ARL15: variants seen among roughly 807,000 people sequenced by gnomAD.
The protein encoded by ARL15 is ADP-ribosylation factor-like protein 15.
ARL15 carries 19 observed loss-of-function variants against 25.2 expected under a neutral mutation model. The observed-to-expected ratio is 0.75, with a 90% CI of 0.53 to 1.10. The LOEUF is 1.10. Among genes scored for constraint, ARL15 ranks in the 50% least tolerant of loss-of-function variants. The pLI, the probability that ARL15 is intolerant of heterozygous loss-of-function variation, is 0.00. For synonymous variants in ARL15, 94 were observed against 86.8 expected (o/e 1.08, Z -0.46); for missense variants, 220 against 246.0 (o/e 0.89, Z 0.71).
chr5:54,110,941 G>A (rs1752721930), intron 4 of ARL15, among the ~76,000 whole-genome samples: 1 of 151,944 alleles, frequency 6.6e-6, no homozygotes, highest in African/African-American at 2.4e-5. Context: ...ACAGTACACA[G>A]AGAAACTTCT....
At chr5:54,304,835 C>T (rs981979571) in intron 1 of ARL15, among the ~76,000 whole-genome samples, 8 of 151,772 alleles carry the variant, frequency 5.3e-5, no homozygotes, top group South Asian at 2.1e-4. Context: ...TTAAAAACAA[C>T]GAAACAATGT....
At chr5:54,039,634 C>G (rs563133882) in intron 4 of ARL15, among the ~76,000 whole-genome samples, 31 of 151,576 alleles carry the variant, frequency 2.0e-4, no homozygotes, top group Non-Finnish European at 3.7e-4. Context: ...AACCCCTTCT[C>G]TACTAAAAAA....
At chr5:53,970,787 A>G (rs1747727356) in intron 4 of ARL15, among the ~76,000 whole-genome samples, 1 of 152,242 alleles carries the variant, frequency 6.6e-6, no homozygotes, top group South Asian at 2.1e-4. Context: ...CTAGTTTCAC[A>G]CAGATGCCAG....
At chr5:54,008,475 G>A (rs1749120587) in intron 4 of ARL15, among the ~76,000 whole-genome samples, 1 of 152,178 alleles carries the variant, frequency 6.6e-6, no homozygotes, top group Admixed American at 6.5e-5. Context: ...AGTTCTCTCA[G>A]ACTTTTGACC....
At chr5:54,011,725 T>C (rs1429580327) in intron 4 of ARL15, among the ~76,000 whole-genome samples, 1 of 151,974 alleles carries the variant, frequency 6.6e-6, no homozygotes, top group African/African-American at 2.4e-5. Flanking sequence ...TAAAAGAGCA[T>C]AAGGGCCGGG....
At chr5:54,189,878 T>A (rs567084410) in intron 1 of ARL15, among the ~76,000 whole-genome samples, 65 of 152,040 alleles carry the variant, frequency 4.3e-4, no homozygotes, top group Non-Finnish European at 6.9e-4. Context: ...GTGTAAAAAG[T>A]TAGTCCATAG....
At chr5:54,141,937 C>G (rs868395742) in intron 3 of ARL15, among the ~76,000 whole-genome samples, 7 of 152,240 alleles carry the variant, frequency 4.6e-5, no homozygotes, top group African/African-American at 1.7e-4. Flanking sequence ...TTCTATTATA[C>G]AGATGTACTA....
At chr5:54,269,442 C>T (rs539905858) in intron 1 of ARL15, among the ~76,000 whole-genome samples, 12 of 151,976 alleles carry the variant, frequency 7.9e-5, no homozygotes, top group South Asian at 2.1e-4. Context: ...TTCCTGTGGC[C>T]GTAAGTTTTC....
intron 4 of ARL15, among the ~76,000 whole-genome samples, chr5:53,931,693 T>C (rs969896003): frequency 1.7e-4 from 26 of 152,214 alleles, no homozygotes; most frequent in African/African-American, 6.0e-4. Context: ...ACATAGTACA[T>C]TGCTACTTTC....
At chr5:54,089,382 A>G (rs1752066076) in intron 4 of ARL15, among the ~76,000 whole-genome samples, 3 of 152,346 alleles carry the variant, frequency 2.0e-5, no homozygotes, top group Admixed American at 2.0e-4. Context: ...TAATAAATTT[A>G]GGTAATTTAC....
At chr5:53,943,575 T>G (rs1746618131) in intron 4 of ARL15, among the ~76,000 whole-genome samples, 1 of 152,046 alleles carries the variant, frequency 6.6e-6, no homozygotes, top group Admixed American at 6.5e-5. Flanking sequence ...AGGTATGGAG[T>G]AAGTGAGTTG....
At chr5:54,098,374 T>G (rs1212208158) in intron 4 of ARL15, among the ~76,000 whole-genome samples, 1 of 152,148 alleles carries the variant, frequency 6.6e-6, no homozygotes, top group African/African-American at 2.4e-5. Flanking sequence ...CTGCTTCTCT[T>G]TTCTCCGCAG....
chr5:54,246,166 T>C (rs1170799076), intron 1 of ARL15, among the ~76,000 whole-genome samples: 2 of 151,934 alleles, frequency 1.3e-5, no homozygotes, highest in African/African-American at 2.4e-5. Context: ...CAAAACTGCC[T>C]TCCCTTCTTC....
rs774397498 is a variant in ARL15 at position 54,171,875 on chromosome 5, G to T, written c.102C>A (p.Asp34Glu). ...AACCTGTGAGGCCTATGCAAACCAG[G>T]TCATATTCTGGTCGTGCAGGTGGTG... ...KGPPPARPEY[D>E]LVCIGLTGSG... Residue 34 changes from aspartate to glutamate, a missense_variant, in exon 2 of 5, where the codon GAC (aspartate) becomes GAA (glutamate). Asp to Glu is a conservative substitution (Grantham distance 45, BLOSUM62 2). Coordinates refer to ENST00000504924, the MANE Select transcript of ARL15 (RefSeq NM_019087.3). 3.1e-6 allele frequency: 5 copies of T among 1,613,614 alleles called. No individual in the cohort carries two copies. In the Admixed American group the frequency reaches 5.0e-5, roughly 16 times the overall value.
At chr5:53,967,758 G>T (rs1747610387) in intron 4 of ARL15, among the ~76,000 whole-genome samples, 1 of 152,110 alleles carries the variant, frequency 6.6e-6, no homozygotes, top group Non-Finnish European at 1.5e-5. Context: ...TTTGCCCAGC[G>T]ATCAGAAGCC....
chr5:54,297,349 G>A (rs777235898), intron 1 of ARL15, among the ~76,000 whole-genome samples: 3 of 152,234 alleles, frequency 2.0e-5, no homozygotes, highest in Non-Finnish European at 4.4e-5. Context: ...GAGTCCAGAA[G>A]CTAATGAAGA....
Position 54,186,315 on chromosome 5 carries a change from T to A in ARL15, c.49-14387A>T, listed in dbSNP as rs925870602. On this transcript the variant is annotated intron_variant, in intron 1 of 4. Coordinates refer to ENST00000504924, the MANE Select transcript of ARL15 (RefSeq NM_019087.3). ...ATCAACACACGTGCCAGACAGATTC[T>A]GACTGCAAAGTCTGTTATTGGTGAT... 1.1e-4 allele frequency among the ~76,000 whole-genome samples: 16 copies of A among 152,326 alleles called. No homozygotes were observed. In the South Asian group the frequency reaches 1.9e-3, roughly 18 times the overall value.
chr5:54,164,745 C>T (rs992656814), intron 2 of ARL15, among the ~76,000 whole-genome samples: 3 of 151,860 alleles, frequency 2.0e-5, no homozygotes, highest in African/African-American at 4.8e-5. Context: ...CTATTTGTGT[C>T]TTTATACTTA....
chr5:53,923,888 A>T (rs953807195), intron 4 of ARL15, among the ~76,000 whole-genome samples: 42 of 152,104 alleles, frequency 2.8e-4, no homozygotes, highest in African/African-American at 9.7e-4. Flanking sequence ...AAAATAAAAT[A>T]AAAAACCTGA....
Sources: gnomAD v4.1 joint callset for allele counts (sites outside exome capture counted in the v4.1 genomes callset) on GRCh38, gnomAD v4.1.1 for gene constraint, MANE v1.5 for transcripts, NCBI Gene and HGNC (gene_info 2026-07-23, HGNC 2026-07-21) for gene names.